SLC2A9: variants seen among roughly 807,000 people sequenced by gnomAD.
The protein encoded by SLC2A9 is solute carrier family 2, facilitated glucose transporter member 9.
In SLC2A9, 39 loss-of-function variants were observed where a neutral mutation model predicts 50.6. The ratio of observed to expected loss-of-function variants is 0.77; its 90% CI spans 0.60 to 1.01. The LOEUF is 1.01. Among genes scored for constraint, SLC2A9 ranks in the 50% least tolerant of loss-of-function variants. The pLI is 0.00. For missense variants in SLC2A9, 686 were observed against 677.6 expected, an observed-to-expected ratio of 1.01 and a Z score of -0.14; for synonymous variants, 324 against 276.9, an observed-to-expected ratio of 1.17 and a Z score of -1.69.
chr4:9,914,769 A>G (rs752227390), intron 7 of SLC2A9, among the ~76,000 whole-genome samples: 6 of 152,090 alleles, frequency 3.9e-5, no homozygotes, highest in Non-Finnish European at 8.8e-5. Context: ...CTTAGAGCAC[A>G]TGTGAGCATG....
At chr4:9,813,963 A>T (rs1723212332) in intron 3 of SLC2A9, among the ~76,000 whole-genome samples, 2 of 152,116 alleles carry the variant, frequency 1.3e-5, no homozygotes, top group African/African-American at 2.4e-5. Flanking sequence ...AAATAAAAAT[A>T]AAAAAGTAAA....
intron 3 of SLC2A9, among the ~76,000 whole-genome samples, chr4:9,817,208 T>C (rs1033220683): frequency 6.6e-6 from 1 of 152,222 alleles, no homozygotes; most frequent in Non-Finnish European, 1.5e-5. Context: ...AAACTCAAGA[T>C]CCTTACTTTA....
intron 10 of SLC2A9, among the ~76,000 whole-genome samples, chr4:9,849,833 G>T (rs1043201336): frequency 6.6e-6 from 1 of 152,174 alleles, no homozygotes; most frequent in African/African-American, 2.4e-5. Context: ...AGGAGTTTCT[G>T]TTTCAATAGA....
intron 10 of SLC2A9, among the ~76,000 whole-genome samples, chr4:9,882,663 C>T (rs1324681951): frequency 1.4e-5 from 2 of 146,508 alleles, no homozygotes; most frequent in South Asian, 2.2e-4. Context: ...GAGCTGAGAT[C>T]GCGTCACTGC....
intron 3 of SLC2A9, among the ~76,000 whole-genome samples, chr4:9,996,355 G>T (rs4575994): frequency 1.3e-5 from 2 of 152,056 alleles, no homozygotes; most frequent in East Asian, 3.9e-4. Context: ...CCAACACCCA[G>T]ATCAATTCCC....
At chr4:9,928,371 A>T (rs574858031) in intron 6 of SLC2A9, among the ~76,000 whole-genome samples, 1 of 152,368 alleles carries the variant, frequency 6.6e-6, no homozygotes, top group East Asian at 1.9e-4. Flanking sequence ...AAACTGTTCC[A>T]TAAAAAGAGA....
downstream of SLC2A9, among the ~76,000 whole-genome samples, chr4:9,777,292 T>A (rs1258525382): frequency 8.3e-6 from 1 of 120,546 alleles, no homozygotes; most frequent in African/African-American, 2.9e-5. Flanking sequence ...CCCCCGTCTC[T>A]GTTTCTTTTT....
chr4:9,839,049 C>G (rs1441853101), intron 10 of SLC2A9, among the ~76,000 whole-genome samples: 2 of 152,118 alleles, frequency 1.3e-5, no homozygotes, highest in African/African-American at 4.8e-5. Flanking sequence ...AAGAAACTAT[C>G]AACAGAGTAA....
chr4:9,845,898 C>G (rs934204590), intron 10 of SLC2A9, among the ~76,000 whole-genome samples: 1 of 152,186 alleles, frequency 6.6e-6, no homozygotes, highest in Admixed American at 6.5e-5. Context: ...AAACTCTTCA[C>G]GGGCATTCTG....
chr4:9,834,099 G>A (rs1726639237), intron 11 of SLC2A9, among the ~76,000 whole-genome samples: 1 of 152,186 alleles, frequency 6.6e-6, no homozygotes, highest in Non-Finnish European at 1.5e-5. Flanking sequence ...AAGGGCCCTT[G>A]CACTTGCTGT....
chr4:9,962,981 C>A (rs1217233972), intron 5 of SLC2A9, among the ~76,000 whole-genome samples: 2 of 152,340 alleles, frequency 1.3e-5, no homozygotes, highest in Non-Finnish European at 2.9e-5. Flanking sequence ...CTCCAGACCC[C>A]AAGGTGGATG....
chr4:10,003,673 T>C (rs1362617377), intron 2 of SLC2A9, among the ~76,000 whole-genome samples: 1 of 152,222 alleles, frequency 6.6e-6, no homozygotes, highest in African/African-American at 2.4e-5. Context: ...TGATGAAGTT[T>C]GCTCAGAGAA....
intron 8 of SLC2A9, among the ~76,000 whole-genome samples, chr4:9,903,184 C>T (rs1453202707): frequency 6.6e-6 from 1 of 152,106 alleles, no homozygotes; most frequent in Non-Finnish European, 1.5e-5. Flanking sequence ...CAGCAGTAAA[C>T]TCTGAGGCCT....
chr4:9,880,800 A>C (rs986251517), intron 10 of SLC2A9, among the ~76,000 whole-genome samples: 1 of 152,214 alleles, frequency 6.6e-6, no homozygotes, highest in African/African-American at 2.4e-5. Context: ...CACTTATCAT[A>C]GTGGCAATGC....
rs116965703 is a variant in SLC2A9, at chr4:10,007,285, T to G, written c.250-10344A>C. Among the ~76,000 whole-genome samples the G allele has an allele frequency of 5.6e-4, 86 of 152,248 alleles. No individual in the cohort carries two copies. The East Asian group carries it at 0.015, about 26-fold the overall frequency. ...TTTGCAGGTTTGTGGTGTTTTTTCC[T>G]CCTCCCCAAGTGATTCTCCCAGAGG... is the stretch of plus-strand genomic sequence containing the variant. On this transcript the variant is annotated intron_variant, in intron 2 of 11. Coordinates refer to ENST00000264784, the MANE Select transcript of SLC2A9 (RefSeq NM_020041.3).
rs561972859 is a variant in SLC2A9, at chr4:9,809,917, C to T, written n.421-10676G>A. Among the ~76,000 whole-genome samples, 160 of 150,694 alleles carry T rather than the reference C, an allele frequency of 1.1e-3. 4 individuals carry two copies. In the South Asian group the frequency reaches 0.032, roughly 30 times the overall value. On this transcript the variant is annotated intron_variant and non_coding_transcript_variant, in intron 3 of 3. Coordinates refer to the SLC2A9 transcript ENST00000503280. ...GGTCTCCGGTCTAGACAGATGCATG[C>T]AAAAATCATTTTGTCCAGGTAACCT...
rs570678091 is a variant in SLC2A9, at chr4:9,880,975, C to T, written c.1291+6592G>A. Among the ~76,000 whole-genome samples, 7 of 152,250 alleles carry T rather than the reference C, an allele frequency of 4.6e-5. No individual in the cohort carries two copies. The South Asian group carries it at 6.2e-4, about 14-fold the overall frequency. ...AGACCTCTAGTGAGTTCCATAAAAC[C>T]GCAAATCCTTAGTGCAACAGCCAAG... is the stretch of plus-strand genomic sequence containing the variant. On this transcript the variant is annotated intron_variant, in intron 10 of 11. Transcript: ENST00000264784.
At chr4:9,867,267 A>G (rs977463257) in intron 10 of SLC2A9, among the ~76,000 whole-genome samples, 7 of 152,200 alleles carry the variant, frequency 4.6e-5, no homozygotes, top group Admixed American at 1.3e-4. Flanking sequence ...GCTAAAGAAG[A>G]AAGAAAGTAG....
chr4:9,950,024 C>A (rs1013121327), intron 5 of SLC2A9, among the ~76,000 whole-genome samples: 3 of 152,152 alleles, frequency 2.0e-5, no homozygotes, highest in African/African-American at 7.2e-5. Flanking sequence ...TTTACTGAAT[C>A]CTGGGGTGGG....
Sources: allele counts gnomAD v4.1 joint callset (sites outside exome capture counted in the v4.1 genomes callset), GRCh38; gene constraint gnomAD v4.1.1; transcripts MANE v1.5; gene names NCBI Gene and HGNC (gene_info 2026-07-23, HGNC 2026-07-21).